The following SUPT3H variants were observed in gnomAD, a reference collection of about 807,000 sequenced individuals.
The protein encoded by SUPT3H is SPT3 homolog, SAGA and STAGA complex component.
In SUPT3H, 44 loss-of-function variants were observed where a neutral mutation model predicts 44.3. The ratio of observed to expected loss-of-function variants is 0.99; its 90% CI spans 0.78 to 1.28. The LOEUF (loss-of-function observed/expected upper bound fraction) is 1.28, where lower values mean the gene tolerates loss of function less well. Among genes scored for constraint, SUPT3H ranks in the 50% most tolerant of loss-of-function variants. The pLI, the probability that SUPT3H is intolerant of heterozygous loss-of-function variation, is 0.00. For synonymous variants in SUPT3H, 124 were observed against 125.6 expected, an observed-to-expected ratio of 0.99 and a Z score of 0.09; for missense variants, 380 against 387.1, an observed-to-expected ratio of 0.98 and a Z score of 0.15.
chr6:45,211,778 G>A (rs767418120), intron 2 of SUPT3H, among the ~76,000 whole-genome samples: 25 of 152,050 alleles, frequency 1.6e-4, no homozygotes, highest in Admixed American at 5.9e-4. Context: ...GAATCCCGGA[G>A]GCGGACGTTG....
intron 10 of SUPT3H, among the ~76,000 whole-genome samples, chr6:44,902,129 C>A (rs371014014): frequency 6.6e-6 from 1 of 152,140 alleles, no homozygotes; most frequent in South Asian, 2.1e-4. Flanking sequence ...CGAGCAAAAT[C>A]ACCAGCTAAC....
chr6:45,341,610 A>G (rs1447077925), intron 2 of SUPT3H, among the ~76,000 whole-genome samples: 1 of 152,228 alleles, frequency 6.6e-6, no homozygotes, highest in Non-Finnish European at 1.5e-5. Flanking sequence ...GCAACTTCAT[A>G]AAGAGTACAA....
intron 2 of SUPT3H, among the ~76,000 whole-genome samples, chr6:45,126,359 G>A (rs1203846786): frequency 1.3e-5 from 2 of 152,268 alleles, no homozygotes; most frequent in Non-Finnish European, 1.5e-5. Context: ...TTATTTTTAA[G>A]GTTTTAGATG....
intron 2 of SUPT3H, among the ~76,000 whole-genome samples, chr6:45,364,571 AAT>A (rs1680856210): frequency 6.6e-6 from 1 of 152,180 alleles, no homozygotes; most frequent in South Asian, 2.1e-4. Flanking sequence ...ATTTCTAATA[AAT>A]ATGCTACCTC....
At chr6:45,057,928 G>C (rs1020729471) in intron 3 of SUPT3H, among the ~76,000 whole-genome samples, 2 of 152,062 alleles carry the variant, frequency 1.3e-5, no homozygotes, top group African/African-American at 4.8e-5. Flanking sequence ...GTTCCAGAGA[G>C]AACTAACATA....
chr6:45,292,330 A>T (rs1780442173), intron 2 of SUPT3H, among the ~76,000 whole-genome samples: 1 of 152,192 alleles, frequency 6.6e-6, no homozygotes, highest in South Asian at 2.1e-4. Context: ...ATCAAAATAG[A>T]ACCACTTTAA....
intron 3 of SUPT3H, among the ~76,000 whole-genome samples, chr6:45,041,901 T>C (rs1028335050): frequency 6.6e-6 from 1 of 152,172 alleles, no homozygotes; most frequent in Admixed American, 6.5e-5. Context: ...TATGGGCTTA[T>C]CCTACAAAGT....
intron 7 of SUPT3H, among the ~76,000 whole-genome samples, chr6:44,958,563 G>GTT (rs1291880121): frequency 6.6e-6 from 1 of 152,100 alleles, no homozygotes; most frequent in African/African-American, 2.4e-5. Context: ...GGGCCAGTGT[G>GTT]TTCATTTCCC....
chr6:45,132,531 A>C (rs890736848), intron 2 of SUPT3H, among the ~76,000 whole-genome samples: 1 of 152,140 alleles, frequency 6.6e-6, no homozygotes, highest in Non-Finnish European at 1.5e-5. Flanking sequence ...TGAAACCAAC[A>C]CATTTTAAAT....
chr6:45,175,395 AGAAG>A (rs1397628487), intron 2 of SUPT3H, among the ~76,000 whole-genome samples: 4 of 152,200 alleles, frequency 2.6e-5, no homozygotes, highest in African/African-American at 9.7e-5. Context: ...TTCACAAGAC[AGAAG>A]GAAGAAGTGC....
chr6:44,857,439 CTAT>C (rs890570130), intron 10 of SUPT3H, among the ~76,000 whole-genome samples: 51 of 152,168 alleles, frequency 3.4e-4, no homozygotes, highest in African/African-American at 1.2e-3. Context: ...TTACTTTGCT[CTAT>C]TAAAAAAAAT....
At chr6:45,197,076 G>A (rs1051125739) in intron 2 of SUPT3H, among the ~76,000 whole-genome samples, 13 of 151,538 alleles carry the variant, frequency 8.6e-5, no homozygotes, top group Admixed American at 3.3e-4. Context: ...AAGAAGTTTC[G>A]TTTTAAGACA....
intron 10 of SUPT3H, among the ~76,000 whole-genome samples, chr6:44,880,023 C>CA (rs1354625361): frequency 1.3e-5 from 2 of 151,940 alleles, no homozygotes; most frequent in African/African-American, 4.8e-5. Context: ...GCCTCTTCTC[C>CA]AAAAAATCAC....
chr6:45,304,450 A>G (rs1451702027), intron 2 of SUPT3H, among the ~76,000 whole-genome samples: 4 of 152,154 alleles, frequency 2.6e-5, no homozygotes, highest in African/African-American at 9.7e-5. Context: ...TTTTTCCACT[A>G]TTTTATCGTT....
chr6:45,194,791 T>C (rs1477204453), intron 2 of SUPT3H, among the ~76,000 whole-genome samples: 2 of 152,192 alleles, frequency 1.3e-5, no homozygotes, highest in Non-Finnish European at 2.9e-5. Context: ...CTTACAGTCA[T>C]TTAAATCAAT....
Position 45,105,921 on chromosome 6 carries a change from C to T in SUPT3H, c.186+1G>A, listed in dbSNP as rs1204616370. The T allele has an allele frequency of 1.9e-6, 3 of 1,611,210 alleles. No individual in the cohort carries two copies. The highest frequency in any genetic ancestry group is 1.7e-6 in the Non-Finnish European group (2 of 1,177,886). ...CCAAATCAAATTATATATGCTCTTACCAGATTAATTAACTGAGTGTGTACC... is the reference window on the plus strand; with the variant it reads ...CCAAATCAAATTATATATGCTCTTATCAGATTAATTAACTGAGTGTGTACC... On this transcript the variant is annotated splice_donor_variant, in intron 3 of 10. Coordinates refer to ENST00000371459, the MANE Select transcript of SUPT3H (RefSeq NM_003599.4). LOFTEE classifies it high-confidence loss of function.
intron 2 of SUPT3H, among the ~76,000 whole-genome samples, chr6:45,338,673 C>T (rs1056718344): frequency 6.6e-6 from 1 of 151,944 alleles, no homozygotes; most frequent in Admixed American, 6.6e-5. Flanking sequence ...TTATACTGGG[C>T]AATATAAATT....
intron 9 of SUPT3H, among the ~76,000 whole-genome samples, chr6:44,952,640 G>A (rs527534311): frequency 2.6e-5 from 4 of 152,248 alleles, no homozygotes; most frequent in African/African-American, 9.6e-5. Flanking sequence ...GAAAAGGGTC[G>A]AATATTGGCA....
rs1554294714 is a variant in SUPT3H at position 45,230,686 on chromosome 6, ATT to A, written c.102-124682_102-124681del. 5.1e-5 allele frequency among the ~76,000 whole-genome samples: 6 copies of A among 116,822 alleles called. No individual in the cohort carries two copies. In the East Asian group the frequency reaches 9.3e-4, roughly 18 times the overall value. The allele number at this position is 116,822 out of a possible 152,430, so 76.6% of individuals were successfully genotyped here. A position where few individuals can be genotyped will look rare whatever the true frequency, so the allele number is the denominator to read the frequency against. ...TCTATATATATATATATATATATAT[ATT>A]TTTGAGATGGAGTCTTGCTCTATCA... On this transcript the variant is annotated intron_variant, in intron 2 of 10. Coordinates refer to ENST00000371459, the MANE Select transcript of SUPT3H (RefSeq NM_003599.4).
Sources: gnomAD v4.1 joint callset for allele counts (sites outside exome capture counted in the v4.1 genomes callset) on GRCh38, gnomAD v4.1.1 for gene constraint, MANE v1.5 for transcripts, NCBI Gene and HGNC (gene_info 2026-07-23, HGNC 2026-07-21) for gene names.